Variants in ANO3 observed in about 807,000 individuals in gnomAD.
The protein encoded by ANO3 is anoctamin-3.
A neutral mutation model predicts 144.8 loss-of-function variants in ANO3; 99 were observed. That is an observed-to-expected ratio of 0.68 (90% CI 0.58 to 0.81). The LOEUF is 0.81. Among genes scored for constraint, ANO3 ranks in the 30% least tolerant of loss-of-function variants. The probability of loss-of-function intolerance (pLI) is 0.00; values close to 1 mark genes in which losing one functional copy is unlikely to be tolerated. For missense variants in ANO3, 905 were observed against 1,202.2 expected (o/e 0.75, Z 3.66); for synonymous variants, 414 against 392.6 (o/e 1.05, Z -0.64).
At chr11:26,389,970 C>T (rs986375357) in intron 1 of ANO3, among the ~76,000 whole-genome samples, 2 of 151,918 alleles carry the variant, frequency 1.3e-5, no homozygotes, top group African/African-American at 2.4e-5. Flanking sequence ...ATGTATGTAA[C>T]GGTCTGAATT....
rs749899725 is a variant in ANO3, at chr11:26,541,943, G to T, written c.1033-4G>T. 32 of 1,609,210 alleles carry T rather than the reference G, an allele frequency of 2.0e-5. No individual in the cohort carries two copies. Among genetic ancestry groups the T allele is most frequent in the Admixed American group, 5.1e-5 (3 of 59,360 alleles). On this transcript the variant is annotated splice_region_variant and splice_polypyrimidine_tract_variant and intron_variant, in intron 10 of 26. Coordinates refer to ENST00000256737, the MANE Select transcript of ANO3 (RefSeq NM_031418.4). ...CCAAATGTATCTTACTTTATCTGTT[G>T]CAGGGAGCCTACAAAAGTAGCCAGC...
At chr11:26,443,527 G>A (rs544353883) in intron 2 of ANO3, among the ~76,000 whole-genome samples, 8 of 152,250 alleles carry the variant, frequency 5.3e-5, no homozygotes, top group Admixed American at 1.3e-4. Flanking sequence ...GCTTGAACCC[G>A]GGAGGCGGAG....
At chr11:26,236,912 T>C (rs1554927160) in intron 1 of ANO3, among the ~76,000 whole-genome samples, 1 of 151,964 alleles carries the variant, frequency 6.6e-6, no homozygotes, top group Non-Finnish European at 1.5e-5. Flanking sequence ...TGGGGATATA[T>C]ACAGTTATAA....
chr11:26,660,274 G>A lies in ANO3; in HGVS notation c.2776G>A (p.Gly926Arg). Residue 926 changes from glycine (G) to arginine (R), a missense_variant, in exon 27 of 27, where the codon GGG becomes AGG. This residue lies in a region of ANO3 where 597 missense variants were observed against 865.1 expected (regional missense o/e 0.69). Transcript: ENST00000256737. ...FIIVFEHLVF[G>R]IKSFIAYLIP... is the part of the protein sequence containing the mutation. ...TTTAAATTTGCAGCACCTTGTTTTTGGGATTAAGTCATTCATCGCATACCT... is the reference window on the plus strand; with the variant it reads ...TTTAAATTTGCAGCACCTTGTTTTTAGGATTAAGTCATTCATCGCATACCT... 6.2e-7 allele frequency: 1 copy of A among 1,611,942 alleles called. No individual in the cohort carries two copies. Among genetic ancestry groups the A allele is most frequent in the Non-Finnish European group, 8.5e-7 (1 of 1,179,164 alleles).
intron 1 of ANO3, among the ~76,000 whole-genome samples, chr11:26,435,592 C>G (rs1858266235): frequency 6.6e-6 from 1 of 152,162 alleles, no homozygotes; most frequent in Non-Finnish European, 1.5e-5. Context: ...TTTGTTCACT[C>G]TTTTTTATTC....
intron 1 of ANO3, among the ~76,000 whole-genome samples, chr11:26,297,853 A>C (rs1438290461): frequency 6.6e-6 from 1 of 152,214 alleles, no homozygotes; most frequent in African/African-American, 2.4e-5. Context: ...AGGCTGAGGA[A>C]GTTAAATAAC....
At chr11:26,291,239 T>A (rs765580312) in intron 1 of ANO3, among the ~76,000 whole-genome samples, 1 of 152,172 alleles carries the variant, frequency 6.6e-6, no homozygotes, top group Non-Finnish European at 1.5e-5. Flanking sequence ...ACCCTTGCTT[T>A]TTTTTGTTTT....
At chr11:26,254,176 T>G (rs1853003078) in intron 1 of ANO3, among the ~76,000 whole-genome samples, 1 of 152,136 alleles carries the variant, frequency 6.6e-6, no homozygotes, top group Non-Finnish European at 1.5e-5. Context: ...ACTTGTAGCA[T>G]TTCCTGGAAA....
At chr11:26,203,431 A>C (rs912535822) in intron 1 of ANO3, among the ~76,000 whole-genome samples, 2 of 152,134 alleles carry the variant, frequency 1.3e-5, no homozygotes, top group Non-Finnish European at 2.9e-5. Context: ...TTTACATGGC[A>C]CAGGAGCCTT....
chr11:26,628,036 T>C (rs1346341582), intron 18 of ANO3, among the ~76,000 whole-genome samples: 4 of 152,186 alleles, frequency 2.6e-5, no homozygotes, highest in African/African-American at 4.8e-5. Flanking sequence ...GCAAAAGAGA[T>C]AAAGCTTAAA....
intron 14 of ANO3, among the ~76,000 whole-genome samples, chr11:26,594,173 C>G (rs1345473691): frequency 6.6e-6 from 1 of 152,104 alleles, no homozygotes; most frequent in Non-Finnish European, 1.5e-5. Flanking sequence ...CCTAGTTTTC[C>G]TTAGTCCTTC....
chr11:26,503,332 C>A (rs1022734052), intron 4 of ANO3, among the ~76,000 whole-genome samples: 11 of 152,076 alleles, frequency 7.2e-5, no homozygotes, highest in African/African-American at 2.7e-4. Flanking sequence ...TTATACCAAA[C>A]AATTCAAGAA....
chr11:26,348,465 T>C, intron 1 of ANO3, among the ~76,000 whole-genome samples: 1 of 152,226 alleles, frequency 6.6e-6, no homozygotes, highest in South Asian at 2.1e-4. Context: ...TTGATGGAAC[T>C]CTTACCATAT....
At chr11:26,567,068 G>A in intron 14 of ANO3, 2 of 1,506,684 alleles carry the variant, frequency 1.3e-6, no homozygotes, top group Non-Finnish European at 8.9e-7. Flanking sequence ...CCCTTGATGT[G>A]GCAAGAATAG....
chr11:26,634,273 A>G lies in ANO3; in HGVS notation c.1943A>G (p.Asn648Ser), dbSNP rs1590658782. The part of the protein sequence containing the change: ...ALKMFLFQFV[N>S]LNSSIFYIAF... ...AAGATGTTCCTCTTCCAGTTTGTCA[A>G]TTTAAACAGTTCCATCTTCTATATC... Residue 648 changes from asparagine to serine, a missense_variant, in exon 19 of 27, where the codon AAT becomes AGT. Transcript: ENST00000256737. 6.2e-7 allele frequency: 1 copy of G among 1,613,826 alleles called. No homozygotes were observed. The highest frequency in any genetic ancestry group is 8.5e-7 in the Non-Finnish European group (1 of 1,179,848).
chr11:26,556,701 G>C (rs1473739498), intron 13 of ANO3, among the ~76,000 whole-genome samples: 1 of 151,420 alleles, frequency 6.6e-6, no homozygotes, highest in Non-Finnish European at 1.5e-5. Context: ...CTTCTGCCCA[G>C]GTCCAGCAAA....
rs543273360 is a variant in ANO3 at position 26,494,293 on chromosome 11, T to A, written c.433-13811T>A. On this transcript the variant is annotated intron_variant, in intron 4 of 26. Transcript: ENST00000256737. The stretch of plus-strand genomic sequence containing the variant: ...CCATGCTGTATCTTGCTTAATCACT[T>A]GCCAGATGATGGTTGTCATTCAGCT... Among the ~76,000 whole-genome samples the A allele has an allele frequency of 1.0e-3, 159 of 152,176 alleles. 1 individual carries two copies. Among genetic ancestry groups the A allele is most frequent in the Non-Finnish European group, 1.9e-3 (129 of 67,994 alleles).
intron 4 of ANO3, among the ~76,000 whole-genome samples, chr11:26,505,200 G>T (rs1861377687): frequency 6.6e-6 from 1 of 151,868 alleles, no homozygotes; most frequent in African/African-American, 2.4e-5. Context: ...TTGATGATTT[G>T]AATGTTTGAT....
intron 3 of ANO3, among the ~76,000 whole-genome samples, chr11:26,444,053 TAACA>T (rs1259346884): frequency 6.6e-6 from 1 of 152,198 alleles, no homozygotes; most frequent in Non-Finnish European, 1.5e-5. Context: ...AGTCTCATAA[TAACA>T]AATAACAATT....
Sources: gnomAD v4.1 joint callset for allele counts (sites outside exome capture counted in the v4.1 genomes callset) on GRCh38, gnomAD v4.1.1 for gene constraint, gnomAD v4.1.1 regional missense constraint, MANE v1.5 for transcripts, NCBI Gene and HGNC (gene_info 2026-07-23, HGNC 2026-07-21) for gene names.